Variants in TNRC6C observed in about 807,000 individuals in gnomAD.
TNRC6C encodes trinucleotide repeat-containing gene 6C protein.
Under a neutral mutation model 153.7 loss-of-function variants are expected in TNRC6C, and 20 were observed. That is an observed-to-expected ratio of 0.13 (90% CI 0.09 to 0.19). The LOEUF (loss-of-function observed/expected upper bound fraction) is 0.19, where lower values mean the gene tolerates loss of function less well. Ranked by LOEUF, TNRC6C falls within the 10% of genes least tolerant of loss-of-function variation. The pLI is 1.00. For missense variants in TNRC6C, 1,987 were observed against 2,172.0 expected, an observed-to-expected ratio of 0.91 and a Z score of 1.69; for synonymous variants, 811 against 841.4, an observed-to-expected ratio of 0.96 and a Z score of 0.63.
chr17:78,077,138 C>T, intron 8 of TNRC6C, 47 bp from the exon 11 acceptor site: 1 of 1,557,750 alleles, frequency 6.4e-7, no homozygotes, highest in African/African-American at 1.4e-5. Flanking sequence ...GGTGCTTTGT[C>T]TGCTGATGGA....
intron 18 of TNRC6C, among the ~76,000 whole-genome samples, chr17:78,103,167 G>C (rs1224450738): frequency 6.6e-6 from 1 of 152,150 alleles, no homozygotes; most frequent in Non-Finnish European, 1.5e-5. Context: ...AATTCAAAAT[G>C]GGGTTTTTCT....
intron 1 of TNRC6C, among the ~76,000 whole-genome samples, chr17:78,011,287 C>T (rs1482440582): frequency 6.6e-6 from 1 of 152,196 alleles, no homozygotes; most frequent in Non-Finnish European, 1.5e-5. Flanking sequence ...CAAGATGACA[C>T]CCATCATCCC....
At chr17:77,982,752 A>C (rs542764779) in intron 1 of TNRC6C, among the ~76,000 whole-genome samples, 1 of 152,320 alleles carries the variant, frequency 6.6e-6, no homozygotes, top group South Asian at 2.1e-4. Context: ...AATTGTTTAA[A>C]TCTAGGAGGC....
At chr17:77,999,710 G>T (rs1029950907), upstream of TNRC6C, among the ~76,000 whole-genome samples, 3 of 152,206 alleles carry the variant, frequency 2.0e-5, no homozygotes, top group African/African-American at 7.2e-5. Flanking sequence ...TGCAGTCAAG[G>T]CCAGGAGCTG....
chr17:77,972,470 C>T (rs2070946956), intron 1 of TNRC6C, among the ~76,000 whole-genome samples: 1 of 151,444 alleles, frequency 6.6e-6, no homozygotes, highest in South Asian at 2.1e-4. Flanking sequence ...CCAGATGGCG[C>T]CACTGCACTC....
chr17:78,005,190 C>A, intron 1 of TNRC6C, 111 bp downstream of exon 3: 1 of 639,266 alleles, frequency 1.6e-6, no homozygotes, highest in Non-Finnish European at 2.2e-6. Context: ...TCTAAGCCTG[C>A]CTTTGAAACT....
chr17:78,032,905 G>A (rs1196897452), intron 2 of TNRC6C, among the ~76,000 whole-genome samples: 1 of 152,168 alleles, frequency 6.6e-6, no homozygotes, highest in African/African-American at 2.4e-5. Flanking sequence ...TTGGTAGAGG[G>A]GATGTAGGTC....
At chr17:78,019,841 T>G (rs1290810554) in intron 1 of TNRC6C, among the ~76,000 whole-genome samples, 1 of 152,070 alleles carries the variant, frequency 6.6e-6, no homozygotes, top group Non-Finnish European at 1.5e-5. Flanking sequence ...GGCCCTAGAG[T>G]CAGGTCTTTT....
At chr17:78,012,579 C>G (rs2071655612) in intron 1 of TNRC6C, among the ~76,000 whole-genome samples, 1 of 152,172 alleles carries the variant, frequency 6.6e-6, no homozygotes, top group Non-Finnish European at 1.5e-5. Flanking sequence ...TATGTATATG[C>G]AAATGAATGC....
At position 78,104,640 on chromosome 17, in the gene TNRC6C, A is replaced by G. The variant is rs766728281; in HGVS notation, c.4868A>G (p.His1623Arg). ...CGGCTCAGCGCAGCGGGCAGCTCCCATGGCCTGGTACGCAGCGACGCTGGC... is the reference window on the plus strand; with the variant it reads ...CGGCTCAGCGCAGCGGGCAGCTCCCGTGGCCTGGTACGCAGCGACGCTGGC... The change falls in exon 20 of 20, where the codon CAT (histidine) becomes CGT (arginine). Residue 1623 changes from histidine (H) to arginine (R), a missense_variant. This residue lies in a region of TNRC6C where 139 missense variants were observed against 148.5 expected (regional missense o/e 0.94). Coordinates refer to ENST00000301624, the Ensembl canonical transcript of TNRC6C. This position sits in a 1 kb window ranked among gnomAD's most constrained non-coding sequence, Gnocchi z 6.2. 1.9e-6 allele frequency: 3 copies of G among 1,547,342 alleles called. No homozygotes were observed. Among genetic ancestry groups the G allele is most frequent in the Admixed American group, 3.9e-5 (2 of 51,018 alleles).
At chr17:77,995,722 A>G (rs1344593077) in intron 1 of TNRC6C, among the ~76,000 whole-genome samples, 1 of 140,838 alleles carries the variant, frequency 7.1e-6, no homozygotes. Flanking sequence ...CATTTAAAGT[A>G]CACACACACA....
intron 1 of TNRC6C, among the ~76,000 whole-genome samples, chr17:77,998,617 G>T (rs1422106102): frequency 6.6e-6 from 1 of 152,076 alleles, no homozygotes; most frequent in African/African-American, 2.4e-5. Context: ...CCTATCCAAT[G>T]AAGTTTTAAA....
intron 1 of TNRC6C, among the ~76,000 whole-genome samples, chr17:77,971,561 T>C (rs758687438): frequency 1.3e-5 from 2 of 152,148 alleles, no homozygotes; most frequent in African/African-American, 2.4e-5. Flanking sequence ...GCACCCCTGT[T>C]CTTGCCCCAA....
intron 1 of TNRC6C, among the ~76,000 whole-genome samples, chr17:78,010,728 C>T (rs1269948754): frequency 2.0e-5 from 3 of 151,954 alleles, no homozygotes; most frequent in Non-Finnish European, 4.4e-5. Context: ...AGCTATGTTG[C>T]TTTATATTTA....
chr17:78,079,278 G>C lies in TNRC6C; in HGVS notation c.3211-117G>C. 1 of 1,444,430 alleles carries C rather than the reference G, an allele frequency of 6.9e-7. No homozygotes were observed. The allele number at this position is 1,444,430 out of a possible 1,614,324, so 89.5% of individuals were successfully genotyped here. ...AAATTCTCTTGGGTACAAGTTGACA[G>C]TGGTAGGAAGTAGAAACAATTTTGC... On this transcript the variant is annotated intron_variant, in intron 9 of 19. Coordinates refer to ENST00000301624, the Ensembl canonical transcript of TNRC6C. The surrounding 1 kb of genome is among the most constrained non-coding windows in gnomAD (Gnocchi z 4.3).
chr17:78,081,861 ACCTGTG>A (rs2073186909), intron 10 of TNRC6C, among the ~76,000 whole-genome samples: 1 of 152,156 alleles, frequency 6.6e-6, no homozygotes, highest in African/African-American at 2.4e-5. Flanking sequence ...TCTCCCTGTT[ACCTGTG>A]AGTACTGATA....
chr17:77,972,699 A>G (rs367648285), intron 1 of TNRC6C, among the ~76,000 whole-genome samples: 4 of 152,208 alleles, frequency 2.6e-5, no homozygotes, highest in Admixed American at 2.0e-4. Flanking sequence ...ATAGCAAGAA[A>G]TTGGATTAGT....
chr17:78,051,453 G>C lies in TNRC6C; in HGVS notation c.2391G>C (p.Arg797Ser). 1 of 1,325,184 alleles carries C rather than the reference G, an allele frequency of 7.5e-7. No homozygotes were observed. The allele number at this position is 1,325,184 out of a possible 1,614,324, so 82.1% of individuals were successfully genotyped here. Reference sequence around the variant, plus strand: ...GATCACCGTTGCTTGGTCCAGGTAGGAAAGGTATTTCATGTTTCTTTACAA... The same window carrying C: ...GATCACCGTTGCTTGGTCCAGGTAGCAAAGGTATTTCATGTTTCTTTACAA... The change falls in exon 3 of 20, where the codon AGG becomes AGC. Residue 797 changes from arginine (R) to serine (S), a missense_variant. By Grantham distance (110) the Arg-to-Ser change is moderately radical (BLOSUM62 -1). Transcript: ENST00000301624.
upstream of TNRC6C, among the ~76,000 whole-genome samples, chr17:78,001,201 G>A (rs2071407214): frequency 6.6e-6 from 1 of 152,270 alleles, no homozygotes; most frequent in African/African-American, 2.4e-5. Context: ...ATTAAAAAAT[G>A]TTTTCTTCCT....
Sources: gnomAD v4.1 joint callset for allele counts (sites outside exome capture counted in the v4.1 genomes callset) on GRCh38, gnomAD v4.1.1 for gene constraint, gnomAD v4.1.1 regional missense constraint, Gnocchi (gnomAD v3.1) non-coding constraint, MANE v1.5 for transcripts, NCBI Gene and HGNC (gene_info 2026-07-23, HGNC 2026-07-21) for gene names.